The following GRM5 variants were observed in gnomAD, a reference collection of about 807,000 sequenced individuals.
The protein encoded by GRM5 is glutamate metabotropic receptor 5.
In GRM5, 19 loss-of-function variants were observed where a neutral mutation model predicts 83.1. The ratio of observed to expected loss-of-function variants is 0.23; its 90% CI spans 0.16 to 0.34. The LOEUF (loss-of-function observed/expected upper bound fraction) is 0.34. GRM5 is among the 10% of genes least tolerant of loss of function. GRM5 has a pLI of 1.00. For missense variants in GRM5, 1,160 were observed against 1,588.3 expected, an observed-to-expected ratio of 0.73 and a Z score of 4.58; for synonymous variants, 675 against 633.6, an observed-to-expected ratio of 1.07 and a Z score of -0.98.
At chr11:89,009,907 A>AC (rs1940641391) in intron 2 of GRM5, among the ~76,000 whole-genome samples, 1 of 122,328 alleles carries the variant, frequency 8.2e-6, no homozygotes, top group African/African-American at 4.1e-5. Context: ...TCTCAAAAAA[A>AC]AAAAAAAAAA....
intron 1 of GRM5, among the ~76,000 whole-genome samples, chr11:89,053,649 A>G (rs75346728): frequency 0.051 from 7,618 of 149,360 alleles, 321 homozygotes; most frequent in African/African-American, 0.12. Flanking sequence ...TACGTAAAAT[A>G]TTGTGTGCTA....
intron 2 of GRM5, among the ~76,000 whole-genome samples, chr11:88,968,404 T>C (rs1045454165): frequency 6.6e-6 from 1 of 152,102 alleles, no homozygotes; most frequent in African/African-American, 2.4e-5. Flanking sequence ...GTTCAAGGAC[T>C]GAGCATGGTG....
At chr11:89,061,370 A>G (rs561586843) in intron 1 of GRM5, among the ~76,000 whole-genome samples, 4 of 152,302 alleles carry the variant, frequency 2.6e-5, no homozygotes, top group African/African-American at 9.6e-5. Flanking sequence ...TTGACACTTA[A>G]TTTAGTTTCT....
chr11:88,583,289 A>T (rs1050023673), intron 7 of GRM5, among the ~76,000 whole-genome samples: 1 of 152,140 alleles, frequency 6.6e-6, no homozygotes, highest in African/African-American at 2.4e-5. Context: ...TCTTTGTTTA[A>T]CTCTGCGGCT....
chr11:88,817,037 A>C (rs1943705104), intron 3 of GRM5, among the ~76,000 whole-genome samples: 1 of 152,150 alleles, frequency 6.6e-6, no homozygotes, highest in South Asian at 2.1e-4. Flanking sequence ...GAACAAGCAA[A>C]AAACTTCAAA....
chr11:88,986,337 A>T (rs1939709160), intron 2 of GRM5, among the ~76,000 whole-genome samples: 1 of 152,198 alleles, frequency 6.6e-6, no homozygotes, highest in African/African-American at 2.4e-5. Context: ...CAAGGTTCAG[A>T]AAAAAGAGAA....
At chr11:88,796,562 T>C (rs1027378754) in intron 3 of GRM5, among the ~76,000 whole-genome samples, 1 of 152,128 alleles carries the variant, frequency 6.6e-6, no homozygotes, top group South Asian at 2.1e-4. Context: ...AGATTTATGA[T>C]AAAAAAGCCA....
intron 2 of GRM5, among the ~76,000 whole-genome samples, chr11:88,919,263 A>ATATATAT (rs1945649437): frequency 8.3e-5 from 2 of 24,118 alleles, no homozygotes; most frequent in East Asian, 9.8e-4. Context: ...TATATCGGAT[A>ATATATAT]AAATAGATTT....
At chr11:88,736,033 T>C (rs1198548970) in intron 3 of GRM5, among the ~76,000 whole-genome samples, 1 of 152,118 alleles carries the variant, frequency 6.6e-6, no homozygotes, top group Non-Finnish European at 1.5e-5. Context: ...GACAATCATT[T>C]GTGGTCATTT....
At chr11:88,849,236 A>AT (rs915919260) in intron 3 of GRM5, among the ~76,000 whole-genome samples, 2 of 151,944 alleles carry the variant, frequency 1.3e-5, no homozygotes, top group South Asian at 2.1e-4. Context: ...ATATATGCAT[A>AT]TTTTTTATTA....
At chr11:88,667,407 A>C (rs559641578) in intron 3 of GRM5, among the ~76,000 whole-genome samples, 1 of 152,316 alleles carries the variant, frequency 6.6e-6, no homozygotes, top group Admixed American at 6.5e-5. Flanking sequence ...AATAAGTATG[A>C]TGAATCCAAG....
chr11:88,533,600 C>T (rs189769), intron 8 of GRM5, among the ~76,000 whole-genome samples: 66,259 of 151,966 alleles, frequency 0.44, 15,830 homozygotes, highest in East Asian at 0.69. Flanking sequence ...GGTTCTGAAC[C>T]GTATGCTTCA....
intron 3 of GRM5, among the ~76,000 whole-genome samples, chr11:88,762,957 G>C (rs12287241): frequency 0.025 from 3,810 of 151,998 alleles, 164 homozygotes; most frequent in African/African-American, 0.088. Context: ...AATTACAAGT[G>C]GGAGCTAACT....
intron 3 of GRM5, among the ~76,000 whole-genome samples, chr11:88,779,759 CA>C (rs1271989640): frequency 6.6e-6 from 1 of 152,084 alleles, no homozygotes; most frequent in Non-Finnish European, 1.5e-5. Flanking sequence ...AAGCAAACAC[CA>C]GAAATCATCT....
chr11:88,838,398 G>T (rs1445508469), intron 3 of GRM5, among the ~76,000 whole-genome samples: 1 of 152,130 alleles, frequency 6.6e-6, no homozygotes, highest in Non-Finnish European at 1.5e-5. Context: ...TTTTTATGGA[G>T]CAGTCTGTTC....
intron 3 of GRM5, among the ~76,000 whole-genome samples, chr11:88,717,104 C>T (rs1412576679): frequency 6.6e-6 from 1 of 151,930 alleles, no homozygotes; most frequent in African/African-American, 2.4e-5. Flanking sequence ...CAACTGTTTT[C>T]CTTCTTTAGA....
At chr11:88,748,135 C>T (rs1040023356) in intron 3 of GRM5, among the ~76,000 whole-genome samples, 6 of 152,110 alleles carry the variant, frequency 3.9e-5, no homozygotes, top group African/African-American at 9.7e-5. Flanking sequence ...ATCTTTGCAA[C>T]CCATGGATCA....
In GRM5 at chr11:88,945,232, G is replaced by T. The variant is rs145091126; in HGVS notation, c.662-95077C>A. On this transcript the variant is annotated intron_variant, in intron 2 of 9. Transcript: ENST00000305447. ...CAACTACTTCAAAACACTGTTAAAA[G>T]AAATCATAGATGACACAAAACAAAT... 6.5e-3 allele frequency among the ~76,000 whole-genome samples: 988 copies of T among 151,802 alleles called. 9 individuals carry two copies. The highest frequency in any genetic ancestry group is 0.019 in the East Asian group (98 of 5,176).
chr11:88,684,173 A>G lies in GRM5; in HGVS notation c.912-30770T>C, dbSNP rs569442938. Among the ~76,000 whole-genome samples the G allele has an allele frequency of 2.6e-5, 4 of 152,330 alleles. No individual in the cohort carries two copies. In the South Asian group the frequency reaches 6.2e-4, roughly 24 times the overall value. On this transcript the variant is annotated intron_variant, in intron 3 of 9. Coordinates refer to ENST00000305447, the MANE Select transcript of GRM5 (RefSeq NM_001143831.3). ...CATTGCGGCTGGAGCATAATGTGCCAAAGGGAGACTAGTAAGAGATTACTT... is the reference window on the plus strand; with the variant it reads ...CATTGCGGCTGGAGCATAATGTGCCGAAGGGAGACTAGTAAGAGATTACTT...
Sources: allele counts gnomAD v4.1 joint callset (sites outside exome capture counted in the v4.1 genomes callset), GRCh38; gene constraint gnomAD v4.1.1; transcripts MANE v1.5; gene names NCBI Gene and HGNC (gene_info 2026-07-23, HGNC 2026-07-21).